Variants in SOX5 observed in about 807,000 individuals in gnomAD.
The protein encoded by SOX5 is transcription factor SOX-5.
A neutral mutation model predicts 92.0 loss-of-function variants in SOX5; 9 were observed. That is an observed-to-expected ratio of 0.10 (90% CI 0.06 to 0.17). The LOEUF is 0.17. Ranked by LOEUF, SOX5 falls within the 10% of genes least tolerant of loss-of-function variation. SOX5 has a pLI of 1.00. For missense variants in SOX5, 642 were observed against 944.5 expected, an observed-to-expected ratio of 0.68 and a Z score of 4.20; for synonymous variants, 344 against 336.3, an observed-to-expected ratio of 1.02 and a Z score of -0.25.
At chr12:24,380,946 A>G (rs1293428294) in intron 1 of SOX5, among the ~76,000 whole-genome samples, 1 of 152,228 alleles carries the variant, frequency 6.6e-6, no homozygotes, top group Non-Finnish European at 1.5e-5. Flanking sequence ...TTTGAAACAA[A>G]TAAAATTTCC....
intron 2 of SOX5, among the ~76,000 whole-genome samples, chr12:24,321,628 G>A (rs934818904): frequency 5.9e-5 from 9 of 152,142 alleles, no homozygotes; most frequent in East Asian, 3.9e-4. Context: ...TCGACTCAAC[G>A]TATCTGAACA....
chr12:24,164,388 T>C (rs1953140495), intron 4 of SOX5, among the ~76,000 whole-genome samples: 1 of 152,108 alleles, frequency 6.6e-6, no homozygotes, highest in Non-Finnish European at 1.5e-5. Flanking sequence ...ATATATATTT[T>C]ATCTAATTTC....
chr12:23,704,539 T>A (rs1398390507), intron 6 of SOX5, among the ~76,000 whole-genome samples: 1 of 151,288 alleles, frequency 6.6e-6, no homozygotes, highest in Non-Finnish European at 1.5e-5. Context: ...GAGGGTGACG[T>A]ATAACGACAC....
At chr12:24,096,395 A>C (rs2137885242) in intron 4 of SOX5, among the ~76,000 whole-genome samples, 1 of 152,278 alleles carries the variant, frequency 6.6e-6, no homozygotes, top group East Asian at 1.9e-4. Flanking sequence ...CACAAACTCT[A>C]CTTCCAAAAC....
intron 3 of SOX5, among the ~76,000 whole-genome samples, chr12:23,758,085 A>C (rs1220639971): frequency 1.3e-5 from 2 of 151,512 alleles, no homozygotes; most frequent in Non-Finnish European, 2.9e-5. Context: ...AATCAGAAAC[A>C]TATCTAAATC....
At chr12:24,379,123 C>A (rs1957568122) in intron 1 of SOX5, among the ~76,000 whole-genome samples, 1 of 152,210 alleles carries the variant, frequency 6.6e-6, no homozygotes. Context: ...AATTTATGCA[C>A]CCTCTCTTAC....
At chr12:23,993,143 T>C (rs1313885233) in intron 4 of SOX5, among the ~76,000 whole-genome samples, 1 of 152,166 alleles carries the variant, frequency 6.6e-6, no homozygotes, top group Non-Finnish European at 1.5e-5. Flanking sequence ...CTCTGGTCTA[T>C]AGGCTACAGA....
At chr12:24,404,533 C>G (rs970533844) in intron 1 of SOX5, among the ~76,000 whole-genome samples, 9 of 152,164 alleles carry the variant, frequency 5.9e-5, no homozygotes, top group African/African-American at 2.2e-4. Context: ...CACCTGATGT[C>G]TAAGAGCTTT....
intron 2 of SOX5, among the ~76,000 whole-genome samples, chr12:24,366,240 C>G (rs939883634): frequency 6.6e-6 from 1 of 152,130 alleles, no homozygotes; most frequent in African/African-American, 2.4e-5. Flanking sequence ...TTAATGCAGC[C>G]TCTTTCAGTT....
At chr12:23,647,240 T>C (rs2080979901) in intron 7 of SOX5, among the ~76,000 whole-genome samples, 1 of 152,202 alleles carries the variant, frequency 6.6e-6, no homozygotes. Context: ...AGCAGTAATG[T>C]TTTGAAAGAA....
intron 4 of SOX5, among the ~76,000 whole-genome samples, chr12:24,147,922 T>C (rs912346598): frequency 6.6e-6 from 1 of 152,184 alleles, no homozygotes; most frequent in Non-Finnish European, 1.5e-5. Flanking sequence ...AATGGAGATA[T>C]TTACTTCATT....
chr12:23,990,904 C>A (rs1475683518), intron 4 of SOX5, among the ~76,000 whole-genome samples: 1 of 151,910 alleles, frequency 6.6e-6, no homozygotes. Context: ...GTTTAAGTAA[C>A]AATAAAACCA....
chr12:24,407,584 C>T (rs185156213), intron 1 of SOX5: 49 of 152,254 alleles, frequency 3.2e-4, no homozygotes, highest in African/African-American at 1.2e-3. Context: ...AGAATTAGAG[C>T]CCAGTCATTT....
chr12:24,556,152 C>T (rs1219273715), intron 1 of SOX5, among the ~76,000 whole-genome samples: 3 of 152,244 alleles, frequency 2.0e-5, no homozygotes, highest in Non-Finnish European at 4.4e-5. Flanking sequence ...AGTCAAAAGG[C>T]TCTCCCGGCC....
At chr12:24,163,983 ATAAAT>A (rs906544939) in intron 4 of SOX5, among the ~76,000 whole-genome samples, 5 of 152,124 alleles carry the variant, frequency 3.3e-5, no homozygotes, top group African/African-American at 9.7e-5. Flanking sequence ...ATTATACGGT[ATAAAT>A]TAAATAGTAT....
chr12:23,830,413 GAGTAGCCTC>G (rs2096296478), intron 3 of SOX5, among the ~76,000 whole-genome samples: 1 of 152,116 alleles, frequency 6.6e-6, no homozygotes, highest in South Asian at 2.1e-4. Flanking sequence ...AATGCATTAG[GAGTAGCCTC>G]CAACAGCAGC....
intron 2 of SOX5, among the ~76,000 whole-genome samples, chr12:24,363,593 C>T (rs533580990): frequency 1.9e-4 from 29 of 152,032 alleles, no homozygotes; most frequent in African/African-American, 6.5e-4. Flanking sequence ...TATAAAGTGC[C>T]TATTGTGTAT....
chr12:23,575,024 A>G (rs1037959461), intron 10 of SOX5, among the ~76,000 whole-genome samples: 3 of 152,242 alleles, frequency 2.0e-5, no homozygotes, highest in Non-Finnish European at 4.4e-5. Context: ...TAATACAAAT[A>G]TCAATAAACC....
intron 3 of SOX5, among the ~76,000 whole-genome samples, chr12:24,275,787 C>T (rs894119180): frequency 1.3e-5 from 2 of 152,182 alleles, no homozygotes; most frequent in African/African-American, 4.8e-5. Context: ...ACAGAAGTGG[C>T]CAAATTCCTT....
Sources: gnomAD v4.1 joint callset for allele counts (sites outside exome capture counted in the v4.1 genomes callset) on GRCh38, gnomAD v4.1.1 for gene constraint, MANE v1.5 for transcripts, NCBI Gene and HGNC (gene_info 2026-07-23, HGNC 2026-07-21) for gene names.